APOO: variants seen among roughly 807,000 people sequenced by gnomAD.
APOO encodes the protein MICOS complex subunit MIC26.
Under a neutral mutation model 23.1 loss-of-function variants are expected in APOO, and 11 were observed. The observed-to-expected ratio is 0.48, with a 90% CI of 0.30 to 0.79. APOO has a LOEUF of 0.79. Ranked by LOEUF, APOO falls within the 30% of genes least tolerant of loss-of-function variation. The pLI is 0.07. For synonymous variants in APOO, 59 were observed against 54.8 expected (o/e 1.08, Z -0.34); for missense variants, 160 against 142.7 (o/e 1.12, Z -0.62).
chrX:23,902,416 T>C (rs1334083174), intron 1 of APOO, among the ~76,000 whole-genome samples: 2 of 111,462 alleles, frequency 1.8e-5, no homozygotes, highest in African/African-American at 3.3e-5. Flanking sequence ...ACCTCTCTCC[T>C]AGATAAGAAC....
chrX:23,851,970 C>T (rs995763357), intron 7 of APOO, among the ~76,000 whole-genome samples: 1 of 112,051 alleles, frequency 8.9e-6, no homozygotes, highest in Non-Finnish European at 1.9e-5. Flanking sequence ...TTCGCCCAGG[C>T]TGGAGTGCAG....
chrX:23,894,247 C>T (rs751598332), intron 1 of APOO, among the ~76,000 whole-genome samples: 5 of 109,199 alleles, frequency 4.6e-5, no homozygotes, highest in African/African-American at 1.3e-4. Context: ...CGGGTTTAAG[C>T]GATTCTCCTA....
intron 5 of APOO, among the ~76,000 whole-genome samples, chrX:23,861,239 C>G (rs1053877025): frequency 1.3e-4 from 15 of 111,194 alleles, no homozygotes; most frequent in Non-Finnish European, 1.3e-4. Context: ...TGGTTTAACA[C>G]CATTCCCTTG....
chrX:23,868,545 T>C, intron 5 of APOO, 48 bp downstream of exon 5: 1 of 1,027,378 alleles, frequency 9.7e-7, no homozygotes, highest in Non-Finnish European at 1.4e-6. Context: ...ACATATATTC[T>C]ATCTCTGCTT....
chrX:23,834,304 T>C (rs1190286640), intron 8 of APOO, among the ~76,000 whole-genome samples: 2 of 103,787 alleles, frequency 1.9e-5, no homozygotes, highest in Non-Finnish European at 3.9e-5. Flanking sequence ...GCTGAGGCAG[T>C]AGAATTGCTT....
chrX:23,896,786 G>A (rs2147046554), intron 1 of APOO, among the ~76,000 whole-genome samples: 1 of 98,318 alleles, frequency 1.0e-5, no homozygotes, highest in East Asian at 3.3e-4. Flanking sequence ...CTATGGGTGT[G>A]ACGGAGCACA....
chrX:23,876,562 A>G (rs1028332303), intron 3 of APOO, among the ~76,000 whole-genome samples: 1 of 110,787 alleles, frequency 9.0e-6, no homozygotes, highest in South Asian at 3.8e-4. Flanking sequence ...GCACCTTGGG[A>G]GGCCGAGGTG....
chrX:23,848,845 G>A lies in APOO; in HGVS notation c.561+7457C>T, dbSNP rs1371724200. On this transcript the variant is annotated intron_variant, in intron 7 of 8. Transcript: ENST00000379226. ...GGACTACAGGCACGTGCCACCATGC[G>A]CGGCTGATTTTTTTTTTTTTTTTTT... Among the ~76,000 whole-genome samples, 9 of 100,567 alleles carry A rather than the reference G, an allele frequency of 8.9e-5. No individual in the cohort carries two copies. The East Asian group carries it at 1.5e-3, about 17-fold the overall frequency. The allele number at this position is 100,567 out of a possible 115,157, so 87.3% of individuals were successfully genotyped here.
chrX:23,904,890 G>C lies in APOO; in HGVS notation c.9+2804C>G, dbSNP rs185264981. 3.6e-5 allele frequency among the ~76,000 whole-genome samples: 4 copies of C among 111,344 alleles called. No homozygotes were observed. In the Admixed American group the frequency reaches 3.8e-4, roughly 11 times the overall value. On this transcript the variant is annotated intron_variant, in intron 1 of 8. Transcript: ENST00000379226. ...GAGAATTTTCCTTACTATTTAAGCA[G>C]TTGGGTTTTCCCAGCTGAAAGCATC...
At chrX:23,878,888 T>C (rs1352960958) in intron 3 of APOO, 27 bp downstream of exon 3, 5 of 1,200,607 alleles carry the variant, frequency 4.2e-6, no homozygotes, top group Non-Finnish European at 5.6e-6. Context: ...CAGAAATGCG[T>C]TCACTCCATT....
chrX:23,882,206 CAATT>C (rs1926178226), intron 1 of APOO, among the ~76,000 whole-genome samples: 1 of 111,935 alleles, frequency 8.9e-6, no homozygotes, highest in African/African-American at 3.2e-5. Flanking sequence ...CAAGATGTAT[CAATT>C]GTTTTTAAAC....
intron 1 of APOO, among the ~76,000 whole-genome samples, chrX:23,887,963 C>T (rs1926447039): frequency 8.9e-6 from 1 of 111,951 alleles, no homozygotes; most frequent in South Asian, 3.7e-4. Context: ...CTGTAAGACC[C>T]ATAGTCACAG....
In APOO at chrX:23,868,630, A is replaced by C. The variant is rs1277689417; in HGVS notation, c.351T>G (p.Ile117Met). Residue 117 changes from isoleucine (I) to methionine (M), a missense_variant, in exon 5 of 9, where the codon ATT becomes ATG. Coordinates refer to ENST00000379226, the MANE Select transcript of APOO (RefSeq NM_024122.5). ...GGAGTCCAATAAGGCCAGCAAAACC[A>C]ATAACACCAAGTCTCGGAAAAAATC... ...PPGFFPRLGV[I>M]GFAGLIGLLL... is the part of the protein sequence containing the mutation. 3 of 1,207,837 alleles carry C rather than the reference A, an allele frequency of 2.5e-6. No individual in the cohort carries two copies. The highest frequency in any genetic ancestry group is 3.4e-6 in the Non-Finnish European group (3 of 894,818).
At chrX:23,891,336 C>A (rs1926642897) in intron 1 of APOO, among the ~76,000 whole-genome samples, 4 of 111,356 alleles carry the variant, frequency 3.6e-5, no homozygotes, top group Non-Finnish European at 7.5e-5. Context: ...AAGGGATTCT[C>A]ATGCTTTAGC....
At chrX:23,876,420 C>CAAAA (rs765596295) in intron 3 of APOO, among the ~76,000 whole-genome samples, 1 of 43,330 alleles carries the variant, frequency 2.3e-5, no homozygotes, top group African/African-American at 7.5e-5. Flanking sequence ...TTGTCTCTAC[C>CAAAA]AAAAAAAAAA....
Position 23,846,856 on chromosome X carries a change from G to T in APOO, c.562-6479C>A, listed in dbSNP as rs1419332354. ...AAGAGTGAAAACCATAATGGAAAAG[G>T]TCAATAAATCAACTACATGAAGAAC... On this transcript the variant is annotated intron_variant, in intron 7 of 8. Coordinates refer to ENST00000379226, the MANE Select transcript of APOO (RefSeq NM_024122.5). Among the ~76,000 whole-genome samples, 71 of 110,864 alleles carry T rather than the reference G, an allele frequency of 6.4e-4. No individual in the cohort carries two copies. In the Admixed American group the frequency reaches 6.7e-3, roughly 10 times the overall value.
chrX:23,863,318 AGAGT>A (rs1191215830), intron 5 of APOO, among the ~76,000 whole-genome samples: 3 of 112,181 alleles, frequency 2.7e-5, no homozygotes, highest in African/African-American at 9.7e-5. Flanking sequence ...CCTGGGTGAC[AGAGT>A]GAGACTCCGT....
At chrX:23,873,378 G>A (rs771658529) in intron 4 of APOO, among the ~76,000 whole-genome samples, 3 of 111,437 alleles carry the variant, frequency 2.7e-5, no homozygotes, top group Non-Finnish European at 5.6e-5. Flanking sequence ...GGGCCGAGGC[G>A]GGCAGATCAC....
At chrX:23,881,383 A>G (rs918337773) in intron 1 of APOO, among the ~76,000 whole-genome samples, 2 of 107,420 alleles carry the variant, frequency 1.9e-5, no homozygotes, top group East Asian at 2.9e-4. Context: ...CCTACAAAAT[A>G]TATTTTTTTA....
Sources: gnomAD v4.1 joint callset for allele counts (sites outside exome capture counted in the v4.1 genomes callset) on GRCh38, gnomAD v4.1.1 for gene constraint, MANE v1.5 for transcripts, NCBI Gene and HGNC (gene_info 2026-07-23, HGNC 2026-07-21) for gene names.